The following PASK variants were observed in gnomAD, a reference collection of about 807,000 sequenced individuals.
PASK encodes PAS domain containing serine/threonine kinase, also known as PAS domain-containing serine/threonine-protein kinase.
In PASK, 110 loss-of-function variants were observed where a neutral mutation model predicts 121.0. The observed-to-expected ratio is 0.91, with a 90% confidence interval of 0.78 to 1.06. PASK has a LOEUF of 1.06. Ranked by LOEUF, PASK falls within the 50% of genes least tolerant of loss-of-function variation. The probability of loss-of-function intolerance (pLI) is 0.00; values close to 1 mark genes in which losing one functional copy is unlikely to be tolerated. For synonymous variants in PASK, 686 were observed against 717.8 expected, an observed-to-expected ratio of 0.96 and a Z score of 0.71; for missense variants, 1,643 against 1,702.3, an observed-to-expected ratio of 0.97 and a Z score of 0.61.
chr2:241,118,346 G>A (rs776520339), intron 12 of PASK, among the ~76,000 whole-genome samples: 16 of 152,078 alleles, frequency 1.1e-4, no homozygotes, highest in East Asian at 1.9e-4. Context: ...ACAGACTATA[G>A]ATCAATGGAA....
In PASK at chr2:241,108,609, A is replaced by G. The variant is rs1575216903; in HGVS notation, c.3534-309T>C. 2 of 444,698 alleles carry G rather than the reference A, an allele frequency of 4.5e-6. No individual in the cohort carries two copies. Among genetic ancestry groups the G allele is most frequent in the African/African-American group, 2.0e-5 (1 of 49,938 alleles). 27.5% of individuals were successfully genotyped at this position (444,698 alleles called of 1,614,324 possible). A position where few individuals can be genotyped will look rare whatever the true frequency, so the allele number is the denominator to read the frequency against. On this transcript the variant is annotated intron_variant, in intron 15 of 17. Coordinates refer to ENST00000234040, the MANE Select transcript of PASK (RefSeq NM_015148.4). This position sits in a 1 kb window ranked among gnomAD's most constrained non-coding sequence, Gnocchi z 5.2. ...GGGGAGCGGGGGGAGGGCTTCCTGG[A>G]GGAAGCAGAGTACACGTCCATTGGC...
chr2:241,132,367 G>C (rs2310750), intron 9 of PASK, among the ~76,000 whole-genome samples: 1 of 150,488 alleles, frequency 6.6e-6, no homozygotes, highest in Admixed American at 6.6e-5. Context: ...ATACAAAAAA[G>C]TAACCGGGCG....
intron 10 of PASK, among the ~76,000 whole-genome samples, chr2:241,125,870 C>A (rs180917681): frequency 6.6e-6 from 1 of 152,118 alleles, no homozygotes; most frequent in Non-Finnish European, 1.5e-5. Context: ...GACACCCCCA[C>A]GCTTCTCCTG....
At chr2:241,115,732 AAGCATCCCGTTACACCAGGGGCCACCG>A in intron 12 of PASK, among the ~76,000 whole-genome samples, 4 of 142,370 alleles carry the variant, frequency 2.8e-5, no homozygotes, top group African/African-American at 1.0e-4. Context: ...CCCGGTCCCC[AAGCATCCCGTTACACCAGGGGCCACCG>A]GTCCTCAAGC....
chr2:241,132,348 C>T (rs1016699910), intron 9 of PASK, among the ~76,000 whole-genome samples: 5 of 151,024 alleles, frequency 3.3e-5, no homozygotes, highest in African/African-American at 1.2e-4. Context: ...CATGGTGAAA[C>T]TAAAAAAAAT....
At chr2:241,111,751 G>A (rs2065121708) in intron 15 of PASK, among the ~76,000 whole-genome samples, 1 of 152,226 alleles carries the variant, frequency 6.6e-6, no homozygotes, top group South Asian at 2.1e-4. Flanking sequence ...CCACTCCAGT[G>A]ACATGGAGTC....
chr2:241,132,769 T>C, intron 9 of PASK, 105 bp downstream of exon 9: 2 of 972,406 alleles, frequency 2.1e-6, no homozygotes, highest in South Asian at 2.7e-5. Context: ...GTTTTCAATG[T>C]TACTATGAAT....
chr2:241,148,175 G>C (rs957048920), intron 1 of PASK, among the ~76,000 whole-genome samples: 1 of 152,104 alleles, frequency 6.6e-6, no homozygotes, highest in Non-Finnish European at 1.5e-5. Context: ...AGCACCTAAT[G>C]GTGCCACCGA....
At chr2:241,149,559 A>C (rs1575368253), upstream of PASK, 2 of 1,222,334 alleles carry the variant, frequency 1.6e-6, no homozygotes, top group East Asian at 5.1e-5. Context: ...GGGCGGGACT[A>C]AGCTAGCCAG....
In PASK at chr2:241,138,054, G is replaced by A. The variant is rs773058115; in HGVS notation, c.775C>T (p.His259Tyr). 30 of 1,614,076 alleles carry A rather than the reference G, an allele frequency of 1.9e-5. No individual in the cohort carries two copies. In the South Asian group the frequency reaches 2.9e-4, roughly 15 times the overall value. ...TVTSCDSLFA[H>Y]LHGYVSGEDV... Reference sequence around the variant, plus strand: ...TCCCCAGACACGTACCCGTGAAGATGAGCAAAGAGACTGTCACATGACGTG... The same window carrying A: ...TCCCCAGACACGTACCCGTGAAGATAAGCAAAGAGACTGTCACATGACGTG... The change falls in exon 6 of 18, where the codon CAT (histidine) becomes TAT (tyrosine). Residue 259 changes from histidine (H) to tyrosine (Y), a missense_variant. Around this residue, in one of 3 missense-constraint regions of PASK, gnomAD observed 1,176 missense variants for 1,162.2 expected, o/e 1.01. Transcript: ENST00000234040.
At position 241,137,976 on chromosome 2, in the gene PASK, G is replaced by T; in HGVS notation, c.853C>A (p.Pro285Thr). 1 of 1,614,244 alleles carries T rather than the reference G, an allele frequency of 6.2e-7. No individual in the cohort carries two copies. Among genetic ancestry groups the T allele is most frequent in the Non-Finnish European group, 8.5e-7 (1 of 1,180,032 alleles). ...TDLIPSVQLPPSGQHIPKNLK... is the reference protein window; with the variant it reads ...TDLIPSVQLPTSGQHIPKNLK... ...ACCTTTGGGATGTGCTGGCCAGAAG[G>T]AGGGAGCTGCACAGAAGGGATCAGG... The change falls in exon 6 of 18, where the codon CCT (proline) becomes ACT (threonine). Residue 285 changes from proline (P) to threonine (T), a missense_variant. Physicochemically the swap from Pro to Thr is conservative, Grantham distance 38 (BLOSUM62 -1). Transcript: ENST00000234040.
Position 241,124,746 on chromosome 2 carries a change from G to A in PASK, c.2720-613C>T, listed in dbSNP as rs114567924. 5.9e-3 allele frequency among the ~76,000 whole-genome samples: 897 copies of A among 152,212 alleles called. 8 individuals are homozygous for A. Among genetic ancestry groups the A allele is most frequent in the African/African-American group, 0.02 (839 of 41,522 alleles). On this transcript the variant is annotated intron_variant, in intron 10 of 17. Coordinates refer to ENST00000234040, the MANE Select transcript of PASK (RefSeq NM_015148.4). ...TTTTCTTCTTGTTTATATTTCTAAT[G>A]TTTCTACAAATAACACGTATTATTT...
At position 241,126,770 on chromosome 2, in the gene PASK, G is replaced by T. The variant is rs2065885366; in HGVS notation, c.2145C>A (p.Cys715Ter). Residue 715 changes from cysteine (C) to a stop codon, truncating the protein, a stop_gained, in exon 10 of 18, where the codon TGC (cysteine) becomes TGA (stop). Transcript: ENST00000234040. LOFTEE classifies it high-confidence loss of function. ...CAGGGAGGTCCGTGGCCAAGGCATA[G>T]CAGGCTGAGGAGCTGCCCGTGCAGC... ...CGGCTGSSSA[C>*]YALATDLPGG... is the part of the protein sequence containing the mutation. 2 of 1,613,950 alleles carry T rather than the reference G, an allele frequency of 1.2e-6. No homozygotes were observed. The highest frequency in any genetic ancestry group is 3.3e-5 in the Admixed American group (2 of 60,014).
chr2:241,120,863 T>TA (rs1230524927), intron 12 of PASK, among the ~76,000 whole-genome samples: 1 of 152,224 alleles, frequency 6.6e-6, no homozygotes, highest in Non-Finnish European at 1.5e-5. Context: ...ACACAAATCT[T>TA]ATATACAATT....
In PASK at chr2:241,106,728, A is replaced by G. The variant is rs781270108; in HGVS notation, c.3815-5T>C. The G allele has an allele frequency of 4.3e-6, 7 of 1,613,932 alleles. No individual in the cohort carries two copies. The South Asian group carries it at 7.7e-5, about 18-fold the overall frequency. Reference sequence around the variant, plus strand: ...CAGCGGACAGAACTCCACTTTCTGAAGAAACAAGAAGGTAACTGTATCACG... The same window carrying G: ...CAGCGGACAGAACTCCACTTTCTGAGGAAACAAGAAGGTAACTGTATCACG... On this transcript the variant is annotated splice_polypyrimidine_tract_variant and splice_region_variant and intron_variant, in intron 17 of 17. Transcript: ENST00000234040.
In PASK at chr2:241,149,454, C is replaced by T. The variant is rs1171775187; in HGVS notation, c.-83G>A. 2.4e-5 allele frequency: 14 copies of T among 583,658 alleles called. No individual in the cohort carries two copies. In the Admixed American group the frequency reaches 2.5e-4, roughly 10 times the overall value. The allele number at this position is 583,658 out of a possible 1,614,324, so 36.2% of individuals were successfully genotyped here. ...GTCACGCCAAGCCGGCTACACACCA[C>T]GGAAAGGAGCCCTTCCGCGCTTTTA... On this transcript the variant is annotated 5_prime_UTR_variant, in exon 1 of 18. In the 5' UTR this introduces an upstream ATG that the reference lacks. Coordinates refer to ENST00000234040, the MANE Select transcript of PASK (RefSeq NM_015148.4).
intron 4 of PASK, 32 bp downstream of exon 4, chr2:241,139,853 C>A: frequency 6.2e-7 from 1 of 1,610,160 alleles, no homozygotes; most frequent in Non-Finnish European, 8.5e-7. Flanking sequence ...GGTCTTGAGG[C>A]CAGACTGAAC....
At chr2:241,138,890 T>C (rs2066570175) in intron 4 of PASK, 96 bp from the exon 5 acceptor site, 3 of 1,183,644 alleles carry the variant, frequency 2.5e-6, no homozygotes, top group African/African-American at 3.0e-5. Flanking sequence ...CTCCAGGCAC[T>C]GCAACGTTTT....
chr2:241,106,800 A>C (rs1011170535), intron 17 of PASK, 77 bp from the exon 18 acceptor site: 2 of 1,443,732 alleles, frequency 1.4e-6, no homozygotes, highest in Non-Finnish European at 1.9e-6. Context: ...CACTTGAAGA[A>C]GTCCTAGAAC....
Sources: allele counts gnomAD v4.1 joint callset (sites outside exome capture counted in the v4.1 genomes callset), GRCh38; gene constraint gnomAD v4.1.1; regional missense constraint gnomAD v4.1.1; non-coding constraint Gnocchi (gnomAD v3.1); transcripts MANE v1.5; gene names NCBI Gene and HGNC (gene_info 2026-07-23, HGNC 2026-07-21).